The following PRMT3 variants were observed in gnomAD, a reference collection of about 807,000 sequenced individuals.
PRMT3 encodes protein arginine methyltransferase 3.
PRMT3 carries 62 observed loss-of-function variants against 71.9 expected under a neutral mutation model. The ratio of observed to expected loss-of-function variants is 0.86; its 90% CI spans 0.70 to 1.07. PRMT3 has a LOEUF of 1.07. PRMT3 is among the 50% of genes least tolerant of loss of function. The probability of loss-of-function intolerance (pLI) is 0.00; values close to 1 mark genes in which losing one functional copy is unlikely to be tolerated. For missense variants in PRMT3, 663 were observed against 643.0 expected (o/e 1.03, Z -0.34); for synonymous variants, 213 against 220.4 (o/e 0.97, Z 0.30).
At chr11:20,492,237 A>G (rs992461756) in intron 13 of PRMT3, among the ~76,000 whole-genome samples, 1 of 152,170 alleles carries the variant, frequency 6.6e-6, no homozygotes, top group African/African-American at 2.4e-5. Context: ...GGGCACTGAG[A>G]GTATAGTGGT....
At chr11:20,472,398 T>C (rs556812681) in intron 13 of PRMT3, among the ~76,000 whole-genome samples, 49 of 152,332 alleles carry the variant, frequency 3.2e-4, no homozygotes, top group African/African-American at 1.1e-3. Context: ...TTAGAGTGTT[T>C]AACATGAAGG....
intron 13 of PRMT3, among the ~76,000 whole-genome samples, chr11:20,475,717 G>A (rs373882742): frequency 4.8e-5 from 7 of 144,770 alleles, no homozygotes; most frequent in South Asian, 2.2e-4. Flanking sequence ...GCAGAGGTGC[G>A]ATCTCTGCTC....
At chr11:20,428,585 C>G (rs1005038649) in intron 10 of PRMT3, among the ~76,000 whole-genome samples, 1 of 152,160 alleles carries the variant, frequency 6.6e-6, no homozygotes, top group African/African-American at 2.4e-5. Context: ...CTGCAGTTAG[C>G]TGGATTGAAT....
In PRMT3 at chr11:20,394,523, G is replaced by C. The variant is rs116821210; in HGVS notation, c.401-1280G>C. Among the ~76,000 whole-genome samples the C allele has an allele frequency of 7.1e-3, 1,075 of 152,014 alleles. 16 individuals are homozygous for C. The highest frequency in any genetic ancestry group is 0.025 in the African/African-American group (1,020 of 41,468). ...TTTCAGGTATACAATGTGATGATTT[G>C]ATATGCATATACATTGTGAAATGAT... On this transcript the variant is annotated intron_variant, in intron 5 of 15. Transcript: ENST00000331079.
At chr11:20,476,510 G>T (rs6483695) in intron 13 of PRMT3, among the ~76,000 whole-genome samples, 148,077 of 152,270 alleles carry the variant, frequency 0.97, 72,331 homozygotes, top group Middle Eastern at 1. Flanking sequence ...AGGAAAAATG[G>T]AGTTAATAAA....
chr11:20,442,005 C>A (rs138298077), intron 10 of PRMT3, among the ~76,000 whole-genome samples: 1 of 152,038 alleles, frequency 6.6e-6, no homozygotes, highest in African/African-American at 2.4e-5. Flanking sequence ...GTTGGCGGGG[C>A]TGGTCTTGAA....
chr11:20,493,515 G>C (rs1316804618), intron 13 of PRMT3, among the ~76,000 whole-genome samples: 1 of 152,156 alleles, frequency 6.6e-6, no homozygotes, highest in Non-Finnish European at 1.5e-5. Context: ...CATCTTTCAT[G>C]CCGCTGCAGT....
intron 9 of PRMT3, among the ~76,000 whole-genome samples, chr11:20,418,621 A>G (rs879192404): frequency 6.6e-6 from 1 of 152,152 alleles, no homozygotes; most frequent in Admixed American, 6.5e-5. Context: ...TTTTTAAGCA[A>G]TGGGAACATT....
At chr11:20,468,932 A>G (rs910069220) in intron 13 of PRMT3, among the ~76,000 whole-genome samples, 3 of 152,178 alleles carry the variant, frequency 2.0e-5, no homozygotes, top group Admixed American at 2.0e-4. Flanking sequence ...TGGCATTTTA[A>G]TGTTTTACAT....
chr11:20,431,025 G>A (rs527932587), intron 10 of PRMT3, among the ~76,000 whole-genome samples: 6 of 152,106 alleles, frequency 3.9e-5, no homozygotes, highest in African/African-American at 1.2e-4. Context: ...CCCTAATTCC[G>A]ACTCAGTAAG....
rs762906571 is a variant in PRMT3, at chr11:20,397,664, G to A, written c.648G>A (p.Glu216=). 2 of 1,614,038 alleles carry A rather than the reference G, an allele frequency of 1.2e-6. No individual in the cohort carries two copies. The highest frequency in any genetic ancestry group is 2.7e-5 in the African/African-American group (2 of 74,902). The part of the protein sequence containing the change: ...TSVIADLQED[E]DGVYFSSYGH... ...TCATTGCGGACCTCCAGGAGGATGA[G>A]GATGGTGTTTATTTCAGCTCATACG... is the stretch of plus-strand genomic sequence containing the variant. Residue 216 remains glutamate (E), a synonymous_variant, in exon 7 of 16, where the codon GAG becomes GAA. Coordinates refer to ENST00000331079, the MANE Select transcript of PRMT3 (RefSeq NM_005788.4).
At chr11:20,400,556 C>T (rs1848926621) in intron 7 of PRMT3, among the ~76,000 whole-genome samples, 1 of 152,030 alleles carries the variant, frequency 6.6e-6, no homozygotes, top group Non-Finnish European at 1.5e-5. Flanking sequence ...GATCATAGTA[C>T]CATTTAGTAA....
intron 7 of PRMT3, among the ~76,000 whole-genome samples, chr11:20,402,698 G>A (rs1219275319): frequency 6.6e-6 from 1 of 152,006 alleles, no homozygotes; most frequent in Non-Finnish European, 1.5e-5. Context: ...TTAAGAACTT[G>A]GGTCTTATTT....
chr11:20,388,527 TTACTAACGAGTTAC>T (rs1276243415), intron 2 of PRMT3, among the ~76,000 whole-genome samples: 2 of 152,330 alleles, frequency 1.3e-5, no homozygotes, highest in East Asian at 1.9e-4. Context: ...AACAGTGAAG[TTACTAACGAGTTAC>T]TACTAACGAG....
chr11:20,492,170 A>G (rs1224975560), intron 13 of PRMT3, among the ~76,000 whole-genome samples: 1 of 152,232 alleles, frequency 6.6e-6, no homozygotes, highest in Non-Finnish European at 1.5e-5. Context: ...TATAATAAAC[A>G]CATTTGCTCA....
At chr11:20,440,488 A>G (rs35087229) in intron 10 of PRMT3, among the ~76,000 whole-genome samples, 2 of 71,484 alleles carry the variant, frequency 2.8e-5, no homozygotes, top group Non-Finnish European at 5.6e-5. Flanking sequence ...TACTAAAAAT[A>G]CAAAAAAAAA....
At chr11:20,468,875 T>A (rs555571361) in intron 13 of PRMT3, among the ~76,000 whole-genome samples, 66 of 152,214 alleles carry the variant, frequency 4.3e-4, no homozygotes, top group Non-Finnish European at 6.8e-4. Flanking sequence ...TGCAGTCTTC[T>A]CCACCACCAA....
chr11:20,461,017 C>T (rs73449290), intron 11 of PRMT3, among the ~76,000 whole-genome samples: 1 of 152,138 alleles, frequency 6.6e-6, no homozygotes, highest in Non-Finnish European at 1.5e-5. Context: ...AAAATCTAGT[C>T]ATGTTGCTAC....
At chr11:20,438,725 C>A (rs144793397) in intron 10 of PRMT3, among the ~76,000 whole-genome samples, 9 of 152,252 alleles carry the variant, frequency 5.9e-5, no homozygotes, top group Admixed American at 2.6e-4. Context: ...TTCCATTTCT[C>A]ATGATACTGG....
Sources: gnomAD v4.1 joint callset for allele counts (sites outside exome capture counted in the v4.1 genomes callset) on GRCh38, gnomAD v4.1.1 for gene constraint, MANE v1.5 for transcripts, NCBI Gene and HGNC (gene_info 2026-07-23, HGNC 2026-07-21) for gene names.